KIZ: variants seen among roughly 807,000 people sequenced by gnomAD.
KIZ encodes the protein centrosomal protein kizuna.
KIZ carries 68 observed loss-of-function variants against 79.6 expected under a neutral mutation model. The observed-to-expected ratio is 0.85, with a 90% confidence interval of 0.70 to 1.05. KIZ has a LOEUF of 1.05. Ranked by LOEUF, KIZ falls within the 50% of genes least tolerant of loss-of-function variation. KIZ has a pLI of 0.00. For missense variants in KIZ, 797 were observed against 800.4 expected, an observed-to-expected ratio of 1.00 and a Z score of 0.05; for synonymous variants, 280 against 281.8, an observed-to-expected ratio of 0.99 and a Z score of 0.06.
chr20:21,166,623 A>AT (rs71198085), intron 6 of KIZ: 7,988 of 754,730 alleles, frequency 0.011, 5 homozygotes, highest in East Asian at 0.043. Context: ...GAGCTTTTGT[A>AT]TTTTTTTTTT....
chr20:21,219,395 G>GCAGCCTCTATCT (rs1398547455), intron 9 of KIZ, among the ~76,000 whole-genome samples: 1 of 151,666 alleles, frequency 6.6e-6, no homozygotes, highest in Non-Finnish European at 1.5e-5. Context: ...ACAGCTTTTT[G>GCAGCCTCTATCT]CAGCCTCTAT....
intron 6 of KIZ, among the ~76,000 whole-genome samples, chr20:21,180,238 C>CT (rs779806726): frequency 0.02 from 2,663 of 132,716 alleles, 58 homozygotes; most frequent in African/African-American, 0.06. Flanking sequence ...CTCTTTGCTC[C>CT]TTTTTTTTTT....
At chr20:21,152,086 T>C (rs540112192) in intron 4 of KIZ, among the ~76,000 whole-genome samples, 1 of 152,234 alleles carries the variant, frequency 6.6e-6, no homozygotes, top group East Asian at 1.9e-4. Flanking sequence ...TACAACATGC[T>C]CTCACTTTGT....
chr20:21,170,556 T>C (rs1282263666), intron 6 of KIZ, among the ~76,000 whole-genome samples: 1 of 151,972 alleles, frequency 6.6e-6, no homozygotes, highest in African/African-American at 2.4e-5. Context: ...GCCTGGCTAA[T>C]TTTTTGTATT....
intron 6 of KIZ, among the ~76,000 whole-genome samples, chr20:21,187,365 C>G (rs1021517659): frequency 2.0e-5 from 3 of 152,156 alleles, no homozygotes; most frequent in Non-Finnish European, 2.9e-5. Context: ...GGGACCTGCC[C>G]TACTCATCTG....
rs1475856526 is a variant in KIZ at position 21,126,245 on chromosome 20, G to A, written c.89+41G>A. On this transcript the variant is annotated intron_variant, in intron 1 of 12. Coordinates refer to ENST00000619189, the MANE Select transcript of KIZ (RefSeq NM_018474.6). ...CGGGGGTGGGGAGTCGGCCCGCGCC[G>A]GGGGTCTTCCGCGTGCCCTGCCCCA... 6 of 1,288,420 alleles carry A rather than the reference G, an allele frequency of 4.7e-6. No homozygotes were observed. In the African/African-American group the frequency reaches 6.2e-5, roughly 13 times the overall value. The allele number at this position is 1,288,420 out of a possible 1,614,324, so 79.8% of individuals were successfully genotyped here.
intron 6 of KIZ, among the ~76,000 whole-genome samples, chr20:21,171,337 CA>C (rs895184204): frequency 3.9e-5 from 6 of 152,140 alleles, no homozygotes; most frequent in East Asian, 1.9e-4. Flanking sequence ...AGTCCTTTAT[CA>C]GGGGGATAGT....
Position 21,229,114 on chromosome 20 carries a change from A to T in KIZ, c.1782A>T (p.Ser594=). 6.3e-7 allele frequency: 1 copy of T among 1,582,762 alleles called. No homozygotes were observed. Among genetic ancestry groups the T allele is most frequent in the Non-Finnish European group, 8.7e-7 (1 of 1,153,002 alleles). The change falls in exon 10 of 13, where the codon TCA becomes TCT. Residue 594 remains serine (S), a splice_region_variant and synonymous_variant. Transcript: ENST00000619189. ...CAGATGCTTCTGTGTCACACTTGTC[A>T]GGTAAGTAAGAGCAGATGGCAGTGT... The part of the protein sequence containing the change: ...QKTDASVSHL[S]GLNIGSGAFE...
intron 9 of KIZ, among the ~76,000 whole-genome samples, chr20:21,226,626 G>T (rs148500729): frequency 3.9e-5 from 6 of 152,214 alleles, no homozygotes; most frequent in Admixed American, 3.9e-4. Flanking sequence ...CAACTTTGAC[G>T]TCTGTGGTCC....
At chr20:21,166,495 G>C (rs574261255) in intron 6 of KIZ, 2 of 1,564,724 alleles carry the variant, frequency 1.3e-6, no homozygotes, top group Non-Finnish European at 1.7e-6. Flanking sequence ...GAAACCGGAC[G>C]ATGACTTTGG....
At chr20:21,195,769 C>A (rs2035316505) in intron 6 of KIZ, 1 of 152,182 alleles carries the variant, frequency 6.6e-6, no homozygotes, top group Non-Finnish European at 1.5e-5. Flanking sequence ...CTTCCAGCTT[C>A]TCTTAAAAAC....
intron 1 of KIZ, among the ~76,000 whole-genome samples, chr20:21,130,997 T>C (rs986925351): frequency 7.9e-5 from 12 of 152,264 alleles, no homozygotes; most frequent in Admixed American, 5.9e-4. Context: ...GATTCTTTGC[T>C]TGGATAGAAT....
intron 6 of KIZ, chr20:21,197,712 T>A (rs2035403060): frequency 6.6e-6 from 1 of 152,256 alleles, no homozygotes; most frequent in Non-Finnish European, 1.5e-5. Context: ...ACAGTATAGT[T>A]GCTGCATTTT....
At chr20:21,238,031 A>C (rs1049136828) in intron 11 of KIZ, among the ~76,000 whole-genome samples, 1 of 151,982 alleles carries the variant, frequency 6.6e-6, no homozygotes, top group Non-Finnish European at 1.5e-5. Flanking sequence ...ATGTTTCGCC[A>C]TGTTGCCCAG....
intron 7 of KIZ, among the ~76,000 whole-genome samples, chr20:21,213,059 AG>A (rs2036134643): frequency 6.6e-6 from 1 of 152,212 alleles, no homozygotes; most frequent in African/African-American, 2.4e-5. Context: ...TCTTTGGCCA[AG>A]GGGACTAGAA....
At chr20:21,129,115 T>C (rs2031674789) in intron 1 of KIZ, among the ~76,000 whole-genome samples, 1 of 152,188 alleles carries the variant, frequency 6.6e-6, no homozygotes, top group African/African-American at 2.4e-5. Context: ...TATCTGGTTT[T>C]TAGTATTAAA....
intron 9 of KIZ, among the ~76,000 whole-genome samples, chr20:21,223,095 C>T (rs1286440357): frequency 6.6e-6 from 1 of 152,142 alleles, no homozygotes; most frequent in Non-Finnish European, 1.5e-5. Context: ...TCATTGAGTA[C>T]AAATGGCTAA....
intron 11 of KIZ, among the ~76,000 whole-genome samples, chr20:21,236,737 G>A (rs2037019071): frequency 6.6e-6 from 1 of 152,132 alleles, no homozygotes; most frequent in African/African-American, 2.4e-5. Flanking sequence ...GCTCATGCCT[G>A]TAATCCCAGC....
chr20:21,238,013 T>C (rs2037080235), intron 11 of KIZ, among the ~76,000 whole-genome samples: 1 of 152,038 alleles, frequency 6.6e-6, no homozygotes, highest in Admixed American at 6.6e-5. Context: ...GTGGTTTTGG[T>C]AGAGATGATG....
Sources: gnomAD v4.1 joint callset for allele counts (sites outside exome capture counted in the v4.1 genomes callset) on GRCh38, gnomAD v4.1.1 for gene constraint, MANE v1.5 for transcripts, NCBI Gene and HGNC (gene_info 2026-07-23, HGNC 2026-07-21) for gene names.